SLC35F1: variants seen among roughly 807,000 people sequenced by gnomAD.
The protein encoded by SLC35F1 is chromosome 6 open reading frame 169.
SLC35F1 carries 14 observed loss-of-function variants against 48.7 expected under a neutral mutation model. That is an observed-to-expected ratio of 0.29 (90% CI 0.19 to 0.45). SLC35F1 has a LOEUF of 0.45. SLC35F1 is among the 20% of genes least tolerant of loss of function. The pLI, the probability that SLC35F1 is intolerant of heterozygous loss-of-function variation, is 1.00. For missense variants in SLC35F1, 404 were observed against 500.0 expected (o/e 0.81, Z 1.83); for synonymous variants, 190 against 202.2 (o/e 0.94, Z 0.51).
At chr6:118,217,278 A>G (rs534329573) in intron 2 of SLC35F1, among the ~76,000 whole-genome samples, 4 of 152,196 alleles carry the variant, frequency 2.6e-5, no homozygotes, top group Non-Finnish European at 4.4e-5. Context: ...TGGTATATCC[A>G]TACCTTGGAA....
At chr6:118,041,384 T>C (rs548285519) in intron 1 of SLC35F1, among the ~76,000 whole-genome samples, 1 of 152,276 alleles carries the variant, frequency 6.6e-6, no homozygotes, top group African/African-American at 2.4e-5. Flanking sequence ...TCCTATAAAA[T>C]TTAGTTCAGA....
At chr6:118,079,344 C>G (rs1772871597) in intron 1 of SLC35F1, among the ~76,000 whole-genome samples, 1 of 152,170 alleles carries the variant, frequency 6.6e-6, no homozygotes, top group South Asian at 2.1e-4. Flanking sequence ...TAGCATGTAT[C>G]AATTTCATTC....
chr6:118,193,894 T>G (rs1774766438), intron 2 of SLC35F1, among the ~76,000 whole-genome samples: 1 of 152,240 alleles, frequency 6.6e-6, no homozygotes, highest in Non-Finnish European at 1.5e-5. Context: ...ATATCTGACC[T>G]AATTTAGACC....
intron 2 of SLC35F1, among the ~76,000 whole-genome samples, chr6:118,162,366 G>A (rs1774249188): frequency 1.3e-5 from 2 of 152,152 alleles, no homozygotes; most frequent in African/African-American, 4.8e-5. Context: ...CCAGAGCGTG[G>A]GGTAGTGGTG....
chr6:117,925,629 C>T (rs1168287319), intron 1 of SLC35F1, among the ~76,000 whole-genome samples: 3 of 152,126 alleles, frequency 2.0e-5, no homozygotes, highest in African/African-American at 7.2e-5. Flanking sequence ...TTTACTCTGG[C>T]CTGAGACTGA....
chr6:117,998,959 G>A (rs543603075), intron 1 of SLC35F1: 60 of 955,790 alleles, frequency 6.3e-5, no homozygotes, highest in South Asian at 1.0e-4. Flanking sequence ...CGGGAGCCGC[G>A]GCTTATGGTG....
chr6:118,022,476 G>A (rs1416164274), intron 1 of SLC35F1, among the ~76,000 whole-genome samples: 2 of 152,160 alleles, frequency 1.3e-5, no homozygotes, highest in African/African-American at 4.8e-5. Flanking sequence ...ACACAAGGAA[G>A]ACTGAAGAAG....
chr6:118,193,631 C>T (rs931010766), intron 2 of SLC35F1, among the ~76,000 whole-genome samples: 8 of 152,136 alleles, frequency 5.3e-5, no homozygotes, highest in Non-Finnish European at 1.2e-4. Flanking sequence ...GTCTCCATTA[C>T]ATATGATAAT....
chr6:118,053,390 A>C (rs1353485829), intron 1 of SLC35F1, among the ~76,000 whole-genome samples: 1 of 152,152 alleles, frequency 6.6e-6, no homozygotes, highest in Non-Finnish European at 1.5e-5. Context: ...CCTGGCCTTT[A>C]AGACCATAAC....
intron 1 of SLC35F1, among the ~76,000 whole-genome samples, chr6:118,034,000 G>A (rs572613334): frequency 4.6e-5 from 7 of 152,298 alleles, no homozygotes; most frequent in South Asian, 4.1e-4. Flanking sequence ...GCTAAATGGA[G>A]GGAAGAGGTC....
At chr6:118,089,827 T>C (rs983292741) in intron 1 of SLC35F1, among the ~76,000 whole-genome samples, 4 of 152,182 alleles carry the variant, frequency 2.6e-5, no homozygotes, top group South Asian at 2.1e-4. Flanking sequence ...AGCCTCCAAT[T>C]TGACTTTGCA....
At chr6:118,157,782 T>C (rs538151570) in intron 2 of SLC35F1, among the ~76,000 whole-genome samples, 3 of 152,282 alleles carry the variant, frequency 2.0e-5, no homozygotes, top group Admixed American at 2.0e-4. Flanking sequence ...GCTGATTAGA[T>C]GGTGCCCACC....
Position 117,907,805 on chromosome 6 carries a change from G to C in SLC35F1, c.79G>C (p.Glu27Gln). The change falls in exon 1 of 8, where the codon GAG (glutamate) becomes CAG (glutamine). Residue 27 changes from glutamate (E) to glutamine (Q), a missense_variant. Coordinates refer to ENST00000360388, the MANE Select transcript of SLC35F1 (RefSeq NM_001029858.4). ...GCCGAACCATGTGGTGACCACCATCGAGAACCTGCCGGCCGAGGGCAGCGG... is the reference window on the plus strand; with the variant it reads ...GCCGAACCATGTGGTGACCACCATCCAGAACCTGCCGGCCGAGGGCAGCGG... ...APPNHVVTTIENLPAEGSGGG... is the reference protein window; with the variant it reads ...APPNHVVTTIQNLPAEGSGGG... 6.4e-7 allele frequency: 1 copy of C among 1,556,234 alleles called. No homozygotes were observed. The highest frequency in any genetic ancestry group is 2.6e-5 in the East Asian group (1 of 39,068).
intron 1 of SLC35F1, among the ~76,000 whole-genome samples, chr6:118,127,192 G>C (rs1242022984): frequency 5.4e-4 from 82 of 151,606 alleles, no homozygotes; most frequent in East Asian, 2.5e-3. Context: ...TAGCATGAAG[G>C]GTTGTTGAAT....
chr6:118,042,421 A>G (rs1257040125), intron 1 of SLC35F1, among the ~76,000 whole-genome samples: 2 of 152,222 alleles, frequency 1.3e-5, no homozygotes, highest in African/African-American at 2.4e-5. Context: ...GTAGGAGTTC[A>G]GTGTCTGGGG....
chr6:118,207,118 C>A (rs1194903546), intron 2 of SLC35F1, among the ~76,000 whole-genome samples: 2 of 152,020 alleles, frequency 1.3e-5, no homozygotes, highest in Admixed American at 1.3e-4. Context: ...GTAGGATAAA[C>A]CTAGGCAAAT....
At chr6:117,961,401 T>C (rs1479394532) in intron 1 of SLC35F1, among the ~76,000 whole-genome samples, 1 of 152,198 alleles carries the variant, frequency 6.6e-6, no homozygotes, top group Non-Finnish European at 1.5e-5. Context: ...GGAAAACTTG[T>C]GAGCTCTTCC....
At chr6:118,187,475 C>T (rs1005235478) in intron 2 of SLC35F1, among the ~76,000 whole-genome samples, 2 of 152,116 alleles carry the variant, frequency 1.3e-5, no homozygotes, top group Non-Finnish European at 2.9e-5. Flanking sequence ...ACTGTTTCAC[C>T]TTTTGGTCAT....
intron 1 of SLC35F1, among the ~76,000 whole-genome samples, chr6:118,057,507 A>C (rs1413585644): frequency 6.6e-6 from 1 of 150,944 alleles, no homozygotes; most frequent in Non-Finnish European, 1.5e-5. Context: ...AATTATTGTA[A>C]ATTAAGCATC....
Sources: gnomAD v4.1 joint callset for allele counts (sites outside exome capture counted in the v4.1 genomes callset) on GRCh38, gnomAD v4.1.1 for gene constraint, MANE v1.5 for transcripts, NCBI Gene and HGNC (gene_info 2026-07-23, HGNC 2026-07-21) for gene names.